Variants in PCDHGA10 observed in about 807,000 individuals in gnomAD.
The protein encoded by PCDHGA10 is protocadherin gamma-A10.
In PCDHGA10, 42 loss-of-function variants were observed where a neutral mutation model predicts 59.5. The observed-to-expected ratio is 0.71, with a 90% CI of 0.55 to 0.91. The LOEUF (loss-of-function observed/expected upper bound fraction) is 0.91. PCDHGA10 is among the 40% of genes least tolerant of loss of function. PCDHGA10 has a pLI of 0.00. For missense variants in PCDHGA10, 1,111 were observed against 1,198.2 expected, an observed-to-expected ratio of 0.93 and a Z score of 1.07; for synonymous variants, 511 against 517.2, an observed-to-expected ratio of 0.99 and a Z score of 0.16.
At chr5:141,423,874 A>T (rs1264795133) in intron 1 of PCDHGA10, 2 of 1,283,268 alleles carry the variant, frequency 1.6e-6, no homozygotes, top group African/African-American at 3.1e-5. Flanking sequence ...GTCATTTTTC[A>T]ATCTTGGCAT....
At position 141,485,129 on chromosome 5, in the gene PCDHGA10, T is replaced by G. The variant is rs761201450; in HGVS notation, c.2437-9678T>G. 2.1e-6 allele frequency: 3 copies of G among 1,462,964 alleles called. No individual in the cohort carries two copies. Among genetic ancestry groups the G allele is most frequent in the Non-Finnish European group, 2.8e-6 (3 of 1,053,766 alleles). 90.6% of individuals were successfully genotyped at this position (1,462,964 alleles called of 1,614,324 possible). A position where few individuals can be genotyped will look rare whatever the true frequency, so the allele number is the denominator to read the frequency against. On this transcript the variant is annotated intron_variant, in intron 1 of 3. Coordinates refer to ENST00000398610, the MANE Select transcript of PCDHGA10 (RefSeq NM_018913.3). The surrounding 1 kb of genome is among the most constrained non-coding windows in gnomAD (Gnocchi z 5.7). ...TGTGGCTGTTTGGGGCGGGTCGGCT[T>G]CATCCGCGTCTCAGGAGCAAGTAGA...
intron 1 of PCDHGA10, chr5:141,478,104 CTG>C: frequency 6.2e-7 from 1 of 1,614,118 alleles, no homozygotes; most frequent in Middle Eastern, 1.6e-4. Context: ...GCTACCCTCA[CTG>C]TGTCAGTAAC....
At chr5:141,421,147 G>A in intron 1 of PCDHGA10, 1 of 1,019,036 alleles carries the variant, frequency 9.8e-7, no homozygotes, top group South Asian at 1.7e-5. Context: ...GGATGTAGTC[G>A]GCCTAGGACT....
chr5:141,438,619 TATATATATATATATATACAC>T (rs1310378007), intron 1 of PCDHGA10, among the ~76,000 whole-genome samples: 16 of 39,678 alleles, frequency 4.0e-4, no homozygotes, highest in African/African-American at 1.2e-3. Flanking sequence ...TATATATATA[TATATATATATATATATACAC>T]ACACACACAC....
rs374663576 is a variant in PCDHGA10, at chr5:141,489,905, G to T, written c.2437-4902G>T. On this transcript the variant is annotated intron_variant, in intron 1 of 3. Coordinates refer to ENST00000398610, the MANE Select transcript of PCDHGA10 (RefSeq NM_018913.3). The surrounding 1 kb of genome is among the most constrained non-coding windows in gnomAD (Gnocchi z 4.5). ...GCTGTGGATGGGGGGACCCCAGCCC[G>T]CTCAGGGACCACCCTTATCTCTGTC... The T allele has an allele frequency of 9.7e-5, 156 of 1,614,226 alleles. 3 individuals are homozygous for T. The South Asian group carries it at 1.6e-3, about 16-fold the overall frequency.
intron 1 of PCDHGA10, chr5:141,419,955 T>C: frequency 1.9e-6 from 3 of 1,614,096 alleles, no homozygotes; most frequent in Non-Finnish European, 2.5e-6. Flanking sequence ...TTGGCCTTGA[T>C]TTCTGTGCTC....
chr5:141,490,908 C>T lies in PCDHGA10; in HGVS notation c.2437-3899C>T, dbSNP rs201078924. On this transcript the variant is annotated intron_variant, in intron 1 of 3. Coordinates refer to ENST00000398610, the MANE Select transcript of PCDHGA10 (RefSeq NM_018913.3). This position sits in a 1 kb window ranked among gnomAD's most constrained non-coding sequence, Gnocchi z 5.4. The stretch of plus-strand genomic sequence containing the variant: ...CATCTCTGCATGTGTTTGTCCTAGA[C>T]GAGAATGATAATGCCCCAGCTGTGC... 42 of 1,613,710 alleles carry T rather than the reference C, an allele frequency of 2.6e-5. No homozygotes were observed. The highest frequency in any genetic ancestry group is 8.3e-5 in the Admixed American group (5 of 60,018).
In PCDHGA10 at chr5:141,486,836, G is replaced by C; in HGVS notation, c.2437-7971G>C. On this transcript the variant is annotated intron_variant, in intron 1 of 3. Coordinates refer to ENST00000398610, the MANE Select transcript of PCDHGA10 (RefSeq NM_018913.3). This position sits in a 1 kb window ranked among gnomAD's most constrained non-coding sequence, Gnocchi z 5.0. ...CAGCACTGTAACAGTTCGTCTATTT[G>C]TGCTGGACCTCAATGACAATGCTCC... 1 of 1,614,242 alleles carries C rather than the reference G, an allele frequency of 6.2e-7. No individual in the cohort carries two copies. The highest frequency in any genetic ancestry group is 8.5e-7 in the Non-Finnish European group (1 of 1,180,046).
chr5:141,419,243 C>T (rs959206942), intron 1 of PCDHGA10: 2 of 1,613,998 alleles, frequency 1.2e-6, no homozygotes, highest in East Asian at 4.5e-5. Flanking sequence ...GGTCCACGTG[C>T]CAGAAAACAA....
At chr5:141,464,931 G>T (rs2099093694) in intron 1 of PCDHGA10, among the ~76,000 whole-genome samples, 1 of 151,942 alleles carries the variant, frequency 6.6e-6, no homozygotes, top group Non-Finnish European at 1.5e-5. Context: ...GTAGAGATGT[G>T]AGGTCTCACT....
At chr5:141,494,763 C>T in intron 1 of PCDHGA10, 44 bp from the exon 2 acceptor site, 4 of 1,613,926 alleles carry the variant, frequency 2.5e-6, no homozygotes, top group Admixed American at 1.7e-5. Context: ...GACATTCTAA[C>T]TTCTCACGGG....
At position 141,415,344 on chromosome 5, in the gene PCDHGA10, G is replaced by A; in HGVS notation, c.2169G>A (p.Trp723Ter). The change falls in exon 1 of 4, where the codon TGG (tryptophan) becomes TGA (stop). Residue 723 changes from tryptophan to a stop codon, truncating the protein, a stop_gained. Coordinates refer to ENST00000398610, the MANE Select transcript of PCDHGA10 (RefSeq NM_018913.3). LOFTEE classifies it high-confidence loss of function. The part of the protein sequence containing the change: ...IVLLAHRLRR[W>*]HKSRLLQASG... The stretch of plus-strand genomic sequence containing the variant: ...TGCTGGCGCACAGGCTGCGGCGCTG[G>A]CACAAGTCACGCCTGCTGCAGGCTT... 9.3e-6 allele frequency: 15 copies of A among 1,614,238 alleles called. No individual in the cohort carries two copies. Among genetic ancestry groups the A allele is most frequent in the Non-Finnish European group, 1.3e-5 (15 of 1,180,042 alleles).
At position 141,431,784 on chromosome 5, in the gene PCDHGA10, A is replaced by G; in HGVS notation, c.2436+16173A>G. On this transcript the variant is annotated intron_variant, in intron 1 of 3. Coordinates refer to ENST00000398610, the MANE Select transcript of PCDHGA10 (RefSeq NM_018913.3). The surrounding 1 kb of genome is among the most constrained non-coding windows in gnomAD (Gnocchi z 4.8). ...CTGATCACTGTTCTGGACGTGAACG[A>G]CAATGCCCCAGAAGTGGTCCTCACC... 1 of 1,614,220 alleles carries G rather than the reference A, an allele frequency of 6.2e-7. No individual in the cohort carries two copies. Among genetic ancestry groups the G allele is most frequent in the Non-Finnish European group, 8.5e-7 (1 of 1,180,022 alleles).
At chr5:141,415,740 G>GTTTTTTTTTTTTTTTTTTTTTTTTTTT (rs57426385) in intron 1 of PCDHGA10, 129 bp downstream of exon 1, 4 of 625,042 alleles carry the variant, frequency 6.4e-6, no homozygotes, top group Non-Finnish European at 6.4e-6. Flanking sequence ...GTTTATTAAG[G>GTTTTTTTTTTTTTTTTTTTTTTTTTTT]TTTTTTTTTT....
At chr5:141,435,730 T>C (rs913229799) in intron 1 of PCDHGA10, among the ~76,000 whole-genome samples, 1 of 152,226 alleles carries the variant, frequency 6.6e-6, no homozygotes, top group African/African-American at 2.4e-5. Context: ...TAAAGTGTAT[T>C]ACTCTTTGAA....
intron 1 of PCDHGA10, among the ~76,000 whole-genome samples, chr5:141,445,834 T>G (rs1310067225): frequency 6.6e-6 from 1 of 152,218 alleles, no homozygotes; most frequent in Middle Eastern, 3.2e-3. Context: ...GGGAGAGCCT[T>G]GTAAATCACA....
In PCDHGA10 at chr5:141,431,149, G is replaced by A. The variant is rs150692324; in HGVS notation, c.2436+15538G>A. Reference sequence around the variant, plus strand: ...AAGTAAGGGACATTAACGACAATGCGCCTTACTTTCGTGAAAGTGAATTAG... The same window carrying A: ...AAGTAAGGGACATTAACGACAATGCACCTTACTTTCGTGAAAGTGAATTAG... On this transcript the variant is annotated intron_variant, in intron 1 of 3. Coordinates refer to ENST00000398610, the MANE Select transcript of PCDHGA10 (RefSeq NM_018913.3). This position sits in a 1 kb window ranked among gnomAD's most constrained non-coding sequence, Gnocchi z 4.8. The A allele has an allele frequency of 3.7e-4, 605 of 1,614,210 alleles. No individual in the cohort carries two copies. Among genetic ancestry groups the A allele is most frequent in the Non-Finnish European group, 4.7e-4 (552 of 1,180,020 alleles).
chr5:141,508,550 G>T (rs1440375100), intron 3 of PCDHGA10, among the ~76,000 whole-genome samples: 3 of 152,138 alleles, frequency 2.0e-5, no homozygotes, highest in Non-Finnish European at 1.5e-5. Flanking sequence ...GGTGGGCGGG[G>T]GATGGCTTTG....
In PCDHGA10 at chr5:141,435,253, G is replaced by A. The variant is rs2097754974; in HGVS notation, c.2436+19642G>A. Among the ~76,000 whole-genome samples the A allele has an allele frequency of 1.3e-5, 2 of 152,064 alleles. 1 individual carries two copies. The highest frequency in any genetic ancestry group is 3.9e-4 in the East Asian group (2 of 5,184). On this transcript the variant is annotated intron_variant, in intron 1 of 3. Transcript: ENST00000398610. ...TTCAGTAATTCTTTCTGGCCATTAG[G>A]GATATGTCCATTTATACTTTCTCAG...
Sources: allele counts gnomAD v4.1 joint callset (sites outside exome capture counted in the v4.1 genomes callset), GRCh38; gene constraint gnomAD v4.1.1; non-coding constraint Gnocchi (gnomAD v3.1); transcripts MANE v1.5; gene names NCBI Gene and HGNC (gene_info 2026-07-23, HGNC 2026-07-21).